The following KIAA1549 variants were observed in gnomAD, a reference collection of about 807,000 sequenced individuals.
KIAA1549 encodes the protein UPF0606 protein KIAA1549.
In KIAA1549, 70 loss-of-function variants were observed where a neutral mutation model predicts 156.4. The observed-to-expected ratio is 0.45, with a 90% CI of 0.37 to 0.55. The LOEUF (loss-of-function observed/expected upper bound fraction) is 0.55. KIAA1549 is among the 20% of genes least tolerant of loss of function. The pLI, the probability that KIAA1549 is intolerant of heterozygous loss-of-function variation, is 0.00. For synonymous variants in KIAA1549, 1,103 were observed against 1,066.4 expected (o/e 1.03, Z -0.67); for missense variants, 2,428 against 2,540.9 (o/e 0.96, Z 0.96).
chr7:138,952,083 C>T (rs1209949606), intron 1 of KIAA1549, among the ~76,000 whole-genome samples: 3 of 152,148 alleles, frequency 2.0e-5, no homozygotes, highest in Non-Finnish European at 2.9e-5. Flanking sequence ...GGTGAACGCA[C>T]GGAAGGCACT....
At chr7:138,851,098 C>A (rs587597681) in intron 17 of KIAA1549, among the ~76,000 whole-genome samples, 1 of 152,150 alleles carries the variant, frequency 6.6e-6, no homozygotes, top group East Asian at 1.9e-4. Context: ...TGCTCATAAG[C>A]CAAATACATT....
chr7:138,944,115 C>T (rs1357273512), intron 1 of KIAA1549, among the ~76,000 whole-genome samples: 2 of 151,250 alleles, frequency 1.3e-5, no homozygotes, highest in Non-Finnish European at 2.9e-5. Context: ...TTTAAGATTA[C>T]CATATACTGT....
chr7:138,867,354 A>G (rs1810776357), intron 15 of KIAA1549, among the ~76,000 whole-genome samples: 1 of 152,070 alleles, frequency 6.6e-6, no homozygotes, highest in Admixed American at 6.5e-5. Context: ...CAGGAGTTTG[A>G]GACCAGCCTG....
chr7:138,851,232 CCT>C (rs1228233019), intron 17 of KIAA1549, among the ~76,000 whole-genome samples: 4 of 152,062 alleles, frequency 2.6e-5, no homozygotes, highest in Admixed American at 6.6e-5. Context: ...TTCTGCATGT[CCT>C]GTAAATTCTA....
At chr7:138,946,751 C>T (rs1813349166) in intron 1 of KIAA1549, among the ~76,000 whole-genome samples, 1 of 152,178 alleles carries the variant, frequency 6.6e-6, no homozygotes. Context: ...TGGACTCCAG[C>T]CTGAGCAATG....
chr7:138,916,771 G>C lies in KIAA1549; in HGVS notation c.2855C>G (p.Pro952Arg). Reference sequence around the variant, plus strand: ...ACCAGTTGTGATCAGATAGGCATCGGGGACTGTGATATCACAAACATATGG... The same window carrying C: ...ACCAGTTGTGATCAGATAGGCATCGCGGACTGTGATATCACAAACATATGG... Reference protein sequence around the residue: ...KPPYVCDITVPDAYLITTVLA... With the variant: ...KPPYVCDITVRDAYLITTVLA... Residue 952 changes from proline (P) to arginine (R), a missense_variant, in exon 2 of 20, where the codon CCC becomes CGC. Pro to Arg is a moderately radical substitution (Grantham distance 103, BLOSUM62 -2). Around this residue, in one of 5 missense-constraint regions of KIAA1549, gnomAD observed 762 missense variants for 901.6 expected, o/e 0.85. Coordinates refer to ENST00000422774, the MANE Select transcript of KIAA1549 (RefSeq NM_001164665.2). The C allele has an allele frequency of 6.2e-7, 1 of 1,613,956 alleles. No individual in the cohort carries two copies. The highest frequency in any genetic ancestry group is 8.5e-7 in the Non-Finnish European group (1 of 1,179,854).
chr7:138,900,060 T>C (rs1811798161), intron 8 of KIAA1549, among the ~76,000 whole-genome samples: 1 of 152,250 alleles, frequency 6.6e-6, no homozygotes, highest in Admixed American at 6.5e-5. Flanking sequence ...CCATTTAAAT[T>C]GCTGGTCTCT....
chr7:138,904,640 A>G (rs7793186), intron 7 of KIAA1549, among the ~76,000 whole-genome samples: 20,720 of 147,162 alleles, frequency 0.14, 1,848 homozygotes, highest in Middle Eastern at 0.22. Context: ...AAAAAAAAAA[A>G]GCTTCCCAGG....
intron 1 of KIAA1549, among the ~76,000 whole-genome samples, chr7:138,946,096 G>T (rs1474699306): frequency 6.7e-6 from 1 of 150,010 alleles, no homozygotes; most frequent in Non-Finnish European, 1.5e-5. Context: ...CCAGTCCCAC[G>T]TTCTTACTGC....
intron 17 of KIAA1549, among the ~76,000 whole-genome samples, chr7:138,845,314 T>C (rs1476881844): frequency 2.0e-5 from 3 of 152,160 alleles, no homozygotes; most frequent in Non-Finnish European, 4.4e-5. Flanking sequence ...AGGATTCTCA[T>C]AGAGTTTGCA....
At chr7:138,968,703 A>G (rs1382445678) in intron 1 of KIAA1549, among the ~76,000 whole-genome samples, 1 of 151,248 alleles carries the variant, frequency 6.6e-6, no homozygotes, top group African/African-American at 2.4e-5. Context: ...AAATAATAAT[A>G]ATAATAATTA....
chr7:138,861,021 G>C (rs139795935), intron 16 of KIAA1549, 118 bp downstream of exon 16: 7 of 940,102 alleles, frequency 7.4e-6, no homozygotes, highest in Middle Eastern at 6.4e-4. Context: ...CCCATCACCC[G>C]AGTTTTAATT....
At chr7:138,936,925 C>A (rs915553050) in intron 1 of KIAA1549, among the ~76,000 whole-genome samples, 1 of 152,144 alleles carries the variant, frequency 6.6e-6, no homozygotes, top group African/African-American at 2.4e-5. Context: ...CCCCTCCAAT[C>A]CATCTGGAGT....
chr7:138,981,220 G>A lies in KIAA1549; in HGVS notation c.50C>T (p.Pro17Leu). Residue 17 changes from proline to leucine, a missense_variant, in exon 1 of 20, where the codon CCC (proline) becomes CTC (leucine). By Grantham distance (98) the Pro-to-Leu change is moderately conservative. This residue lies in a region of KIAA1549 where 893 missense variants were observed against 847.9 expected (regional missense o/e 1.05). Coordinates refer to ENST00000422774, the MANE Select transcript of KIAA1549 (RefSeq NM_001164665.2). This position sits in a 1 kb window ranked among gnomAD's most constrained non-coding sequence, Gnocchi z 4.5. ...CGGGGCCAGCGCGACCCCGGCGCGGGGCTTCCCCTCCATGGCCGCGCCTCG... is the reference window on the plus strand; with the variant it reads ...CGGGGCCAGCGCGACCCCGGCGCGGAGCTTCCCCTCCATGGCCGCGCCTCG... Reference protein sequence around the residue: ...RRRGAAMEGKPRAGVALAPGP... With the variant: ...RRRGAAMEGKLRAGVALAPGP... 2.0e-6 allele frequency: 2 copies of A among 1,007,920 alleles called. No individual in the cohort carries two copies. Among genetic ancestry groups the A allele is most frequent in the Non-Finnish European group, 2.4e-6 (2 of 846,532 alleles). 62.4% of individuals were successfully genotyped at this position (1,007,920 alleles called of 1,614,324 possible). A position where few individuals can be genotyped will look rare whatever the true frequency, so the allele number is the denominator to read the frequency against.
chr7:138,877,254 G>A (rs1215712677), intron 12 of KIAA1549, among the ~76,000 whole-genome samples: 2 of 152,202 alleles, frequency 1.3e-5, no homozygotes, highest in African/African-American at 2.4e-5. Flanking sequence ...AGCACTTTGG[G>A]AGGCCGAGGT....
chr7:138,901,258 C>A (rs138980047), intron 8 of KIAA1549, among the ~76,000 whole-genome samples: 1 of 152,164 alleles, frequency 6.6e-6, no homozygotes, highest in East Asian at 1.9e-4. Flanking sequence ...TCTATTCTTT[C>A]TCCATGAATT....
intron 1 of KIAA1549, among the ~76,000 whole-genome samples, chr7:138,944,007 T>C (rs540454741): frequency 3.6e-4 from 54 of 150,718 alleles, no homozygotes; most frequent in African/African-American, 1.3e-3. Flanking sequence ...GCTCAAGTGG[T>C]CCTCCCACCT....
chr7:138,838,309 T>C (rs915281280), intron 19 of KIAA1549, 149 bp from the exon 20 acceptor site: 9 of 807,148 alleles, frequency 1.1e-5, no homozygotes, highest in Non-Finnish European at 1.7e-5. Context: ...ATGCTGCAGG[T>C]GAGGCGTGAA....
intron 12 of KIAA1549, among the ~76,000 whole-genome samples, chr7:138,875,024 G>A (rs763624019): frequency 6.6e-6 from 1 of 152,084 alleles, no homozygotes; most frequent in Non-Finnish European, 1.5e-5. Flanking sequence ...TGCACAGCTA[G>A]AGAGGAGGAA....
Sources: gnomAD v4.1 joint callset for allele counts (sites outside exome capture counted in the v4.1 genomes callset) on GRCh38, gnomAD v4.1.1 for gene constraint, gnomAD v4.1.1 regional missense constraint, Gnocchi (gnomAD v3.1) non-coding constraint, MANE v1.5 for transcripts, NCBI Gene and HGNC (gene_info 2026-07-23, HGNC 2026-07-21) for gene names.